The following CDIN1 variants were observed in gnomAD, a reference collection of about 807,000 sequenced individuals.
The protein encoded by CDIN1 is CDAN1 interacting nuclease 1, also known as CDAN1-interacting nuclease 1.
A neutral mutation model predicts 45.3 loss-of-function variants in CDIN1; 33 were observed. The ratio of observed to expected loss-of-function variants is 0.73; its 90% CI spans 0.55 to 0.97. The LOEUF (loss-of-function observed/expected upper bound fraction) is 0.97, where lower values mean the gene tolerates loss of function less well. CDIN1 is among the 50% of genes least tolerant of loss of function. The pLI is 0.00. For synonymous variants in CDIN1, 118 were observed against 124.4 expected, an observed-to-expected ratio of 0.95 and a Z score of 0.34; for missense variants, 303 against 339.4, an observed-to-expected ratio of 0.89 and a Z score of 0.84.
chr15:36,676,154 A>G (rs2041641860), intron 5 of CDIN1, among the ~76,000 whole-genome samples: 1 of 152,170 alleles, frequency 6.6e-6, no homozygotes, highest in Admixed American at 6.6e-5. Context: ...CTTTCAGCAT[A>G]CTAAAAGTGT....
chr15:36,694,700 G>A (rs1373194662), intron 7 of CDIN1, among the ~76,000 whole-genome samples: 3 of 152,116 alleles, frequency 2.0e-5, no homozygotes, highest in Admixed American at 2.0e-4. Flanking sequence ...TCCAAAGTGT[G>A]ACTCCAGGAC....
chr15:36,762,118 G>A (rs893788877), intron 10 of CDIN1, among the ~76,000 whole-genome samples: 1 of 152,232 alleles, frequency 6.6e-6, no homozygotes, highest in South Asian at 2.1e-4. Context: ...TAAATGAAAG[G>A]ATTTGAAGCC....
At position 36,697,128 on chromosome 15, in the gene CDIN1, TA is replaced by T. The variant is rs35110312; in HGVS notation, c.477-184del. On this transcript the variant is annotated intron_variant, in intron 7 of 10. Transcript: ENST00000566621. ...CAACAGAGCAGGACCCTGTCTCTAT[TA>T]AAAAAAAAAAGGTTTTAAAAAATTA... 0.15 allele frequency among the ~76,000 whole-genome samples: 20,937 copies of T among 144,372 alleles called. 1,500 individuals carry two copies. The highest frequency in any genetic ancestry group is 0.24 in the East Asian group (1,206 of 4,936). 94.7% of individuals were successfully genotyped at this position (144,372 alleles called of 152,430 possible).
intron 10 of CDIN1, among the ~76,000 whole-genome samples, chr15:36,738,061 T>G (rs1180375404): frequency 1.3e-5 from 2 of 152,176 alleles, no homozygotes; most frequent in Non-Finnish European, 2.9e-5. Flanking sequence ...CCATTCATGC[T>G]TCCTTCTCTT....
chr15:36,591,862 A>G (rs1232121611), intron 1 of CDIN1: 1 of 152,226 alleles, frequency 6.6e-6, no homozygotes, highest in Non-Finnish European at 1.5e-5. Context: ...ATGCTTTTAA[A>G]TTAGAGAACA....
intron 10 of CDIN1, among the ~76,000 whole-genome samples, chr15:36,756,494 T>C (rs976272900): frequency 6.6e-6 from 1 of 152,340 alleles, no homozygotes; most frequent in Admixed American, 6.5e-5. Flanking sequence ...ATGAATTTTG[T>C]CACAGCCTTT....
At position 36,613,985 on chromosome 15, in the gene CDIN1, G is replaced by A. The variant is rs1175680529; in HGVS notation, c.102-30293G>A. 3 of 1,524,916 alleles carry A rather than the reference G, an allele frequency of 2.0e-6. No homozygotes were observed. In the African/African-American group the frequency reaches 4.1e-5, roughly 21 times the overall value. The allele number at this position is 1,524,916 out of a possible 1,614,324, so 94.5% of individuals were successfully genotyped here. A position where few individuals can be genotyped will look rare whatever the true frequency, so the allele number is the denominator to read the frequency against. On this transcript the variant is annotated intron_variant, in intron 1 of 10. Transcript: ENST00000566621. ...ATGGACCAGAACCTGAAGTGTCTGA[G>A]TGCTGCTGAAGAAAACTACTCTCAA...
chr15:36,698,802 G>C (rs1427594575), intron 8 of CDIN1, among the ~76,000 whole-genome samples: 2 of 152,048 alleles, frequency 1.3e-5, no homozygotes, highest in Non-Finnish European at 2.9e-5. Flanking sequence ...CCATTTTTTT[G>C]TTTGGCCTAA....
At chr15:36,767,987 G>A (rs763428246) in intron 10 of CDIN1, among the ~76,000 whole-genome samples, 13 of 152,144 alleles carry the variant, frequency 8.5e-5, no homozygotes, top group Non-Finnish European at 1.0e-4. Context: ...AGGAAGAGAG[G>A]GCTGTTTCTG....
intron 4 of CDIN1, among the ~76,000 whole-genome samples, chr15:36,655,865 A>G (rs749092107): frequency 5.9e-5 from 9 of 152,172 alleles, no homozygotes; most frequent in Non-Finnish European, 1.2e-4. Flanking sequence ...ATTCATTTGA[A>G]TTTTTAATGG....
intron 3 of CDIN1, among the ~76,000 whole-genome samples, chr15:36,646,719 G>T (rs908589681): frequency 1.3e-5 from 2 of 152,110 alleles, no homozygotes; most frequent in African/African-American, 4.8e-5. Context: ...TTATATAAAA[G>T]TATGATTTTA....
intron 10 of CDIN1, among the ~76,000 whole-genome samples, chr15:36,803,522 TAATG>T (rs925037282): frequency 5.3e-5 from 8 of 152,196 alleles, no homozygotes; most frequent in African/African-American, 1.9e-4. Flanking sequence ...TTTTTAAAAT[TAATG>T]AAAGCCCAGC....
chr15:36,762,632 A>AT (rs1229359710), intron 10 of CDIN1, among the ~76,000 whole-genome samples: 2 of 151,100 alleles, frequency 1.3e-5, no homozygotes, highest in Non-Finnish European at 3.0e-5. Flanking sequence ...TCCTAATGCT[A>AT]TCCCTCCCCA....
At chr15:36,751,592 T>C (rs550492721) in intron 10 of CDIN1, among the ~76,000 whole-genome samples, 6 of 152,144 alleles carry the variant, frequency 3.9e-5, no homozygotes, top group African/African-American at 1.4e-4. Flanking sequence ...AGTGTGGCGA[T>C]TACTCAATGA....
chr15:36,697,218 T>C, intron 7 of CDIN1, 105 bp from the exon 8 acceptor site: 1 of 836,580 alleles, frequency 1.2e-6, no homozygotes, highest in South Asian at 1.5e-5. Flanking sequence ...TCCTCCAAGA[T>C]GTGGACTAAG....
At chr15:36,740,111 G>GAATATTAACGGCTCTGAGA in intron 10 of CDIN1, among the ~76,000 whole-genome samples, 1 of 152,104 alleles carries the variant, frequency 6.6e-6, no homozygotes, top group South Asian at 2.1e-4. Flanking sequence ...TACTACATTA[G>GAATATTAACGGCTCTGAGA]AATATTAACG....
intron 1 of CDIN1, chr15:36,614,122 A>G: frequency 1.3e-6 from 1 of 761,260 alleles, no homozygotes; most frequent in South Asian, 1.3e-5. Context: ...CTTGGAAGAT[A>G]AACTGAAATG....
chr15:36,681,866 A>G (rs979757674), intron 5 of CDIN1, among the ~76,000 whole-genome samples: 32 of 152,200 alleles, frequency 2.1e-4, no homozygotes, highest in African/African-American at 7.7e-4. Context: ...TTTACTGCTC[A>G]CGGATTTCAG....
intron 10 of CDIN1, among the ~76,000 whole-genome samples, chr15:36,772,228 A>G (rs1372662900): frequency 6.6e-6 from 1 of 152,170 alleles, no homozygotes; most frequent in Non-Finnish European, 1.5e-5. Flanking sequence ...GTGTCAAAAC[A>G]TATTTAGCAA....
Sources: gnomAD v4.1 joint callset for allele counts (sites outside exome capture counted in the v4.1 genomes callset) on GRCh38, gnomAD v4.1.1 for gene constraint, MANE v1.5 for transcripts, NCBI Gene and HGNC (gene_info 2026-07-23, HGNC 2026-07-21) for gene names.